Variants in DHTKD1 observed in about 807,000 individuals in gnomAD.
DHTKD1 encodes 2-oxoadipate dehydrogenase complex component E1.
Under a neutral mutation model 101.8 loss-of-function variants are expected in DHTKD1, and 78 were observed. That is an observed-to-expected ratio of 0.77 (90% CI 0.64 to 0.93). The LOEUF (loss-of-function observed/expected upper bound fraction) is 0.93, where lower values mean the gene tolerates loss of function less well. Among genes scored for constraint, DHTKD1 ranks in the 40% least tolerant of loss-of-function variants. DHTKD1 has a pLI of 0.00. For synonymous variants in DHTKD1, 462 were observed against 450.3 expected, an observed-to-expected ratio of 1.03 and a Z score of -0.33; for missense variants, 1,223 against 1,161.7, an observed-to-expected ratio of 1.05 and a Z score of -0.77.
intron 13 of DHTKD1, among the ~76,000 whole-genome samples, chr10:12,113,340 G>C (rs1833366039): frequency 6.6e-6 from 1 of 152,122 alleles, no homozygotes; most frequent in Non-Finnish European, 1.5e-5. Flanking sequence ...TGAGATTACA[G>C]GCATGTGCCA....
chr10:12,092,894 T>C (rs1833013289), intron 6 of DHTKD1, among the ~76,000 whole-genome samples: 1 of 152,066 alleles, frequency 6.6e-6, no homozygotes, highest in Non-Finnish European at 1.5e-5. Flanking sequence ...TTGTTGTTGT[T>C]GTTTTGAGAG....
At chr10:12,100,955 A>T in intron 9 of DHTKD1, 87 bp from the exon 10 acceptor site, 1 of 1,361,766 alleles carries the variant, frequency 7.3e-7, no homozygotes. Context: ...TCTCAGGATT[A>T]AGCCAGTATA....
intron 5 of DHTKD1, among the ~76,000 whole-genome samples, chr10:12,091,143 G>A (rs972572455): frequency 6.6e-6 from 1 of 152,112 alleles, no homozygotes; most frequent in African/African-American, 2.4e-5. Context: ...GGTCGCTGTG[G>A]CTCATGCCTG....
intron 3 of DHTKD1, among the ~76,000 whole-genome samples, chr10:12,086,311 C>G (rs1832897214): frequency 1.3e-5 from 2 of 149,812 alleles, no homozygotes; most frequent in Admixed American, 1.3e-4. Context: ...ACCTCTGCCT[C>G]CCAGGTTCAA....
At chr10:12,076,087 T>C (rs1832723473) in intron 1 of DHTKD1, among the ~76,000 whole-genome samples, 1 of 152,176 alleles carries the variant, frequency 6.6e-6, no homozygotes, top group Non-Finnish European at 1.5e-5. Context: ...CAAAGTCAAC[T>C]GATGAGAGCA....
chr10:12,101,935 T>C (rs1470286500), intron 10 of DHTKD1, among the ~76,000 whole-genome samples: 1 of 152,202 alleles, frequency 6.6e-6, no homozygotes, highest in Non-Finnish European at 1.5e-5. Context: ...TGGCAGCCTC[T>C]GTGCCCTCTG....
intron 15 of DHTKD1, among the ~76,000 whole-genome samples, chr10:12,119,425 C>T (rs1833480931): frequency 1.3e-5 from 2 of 150,912 alleles, no homozygotes; most frequent in Non-Finnish European, 2.9e-5. Context: ...ACCATCCTGG[C>T]TAACACAGTG....
intron 10 of DHTKD1, among the ~76,000 whole-genome samples, chr10:12,105,821 C>T (rs1223387161): frequency 6.6e-6 from 1 of 152,148 alleles, no homozygotes; most frequent in Non-Finnish European, 1.5e-5. Flanking sequence ...TGAGGCCGGG[C>T]GTGGTGGCTC....
chr10:12,069,911 C>T (rs1339409673), intron 1 of DHTKD1, among the ~76,000 whole-genome samples: 1 of 151,910 alleles, frequency 6.6e-6, no homozygotes, highest in East Asian at 1.9e-4. Flanking sequence ...GATACATTTC[C>T]AGGACCATCT....
At position 12,121,076 on chromosome 10, in the gene DHTKD1, C is replaced by A. The variant is rs900532634; in HGVS notation, c.*188C>A. 2.2e-6 allele frequency: 1 copy of A among 454,638 alleles called. No homozygotes were observed. Among genetic ancestry groups the A allele is most frequent in the African/African-American group, 2.0e-5 (1 of 49,870 alleles). 28.2% of individuals were successfully genotyped at this position (454,638 alleles called of 1,614,324 possible). A position where few individuals can be genotyped will look rare whatever the true frequency, so the allele number is the denominator to read the frequency against. On this transcript the variant is annotated 3_prime_UTR_variant, in exon 17 of 17. Coordinates refer to ENST00000263035, the MANE Select transcript of DHTKD1 (RefSeq NM_018706.7). ...CTCTACTAAAAATACAAAAAATAGCCGGGTGTGGTGGTGGGCACCTGTGAT... is the reference window on the plus strand; with the variant it reads ...CTCTACTAAAAATACAAAAAATAGCAGGGTGTGGTGGTGGGCACCTGTGAT...
At chr10:12,092,321 G>A (rs1833003878) in intron 6 of DHTKD1, among the ~76,000 whole-genome samples, 1 of 151,988 alleles carries the variant, frequency 6.6e-6, no homozygotes, top group African/African-American at 2.4e-5. Flanking sequence ...ATAAGACAAG[G>A]ATGGAGCCAC....
intron 13 of DHTKD1, among the ~76,000 whole-genome samples, 198 bp from the exon 14 acceptor site, chr10:12,117,475 G>T (rs1217981885): frequency 6.6e-6 from 1 of 151,996 alleles, no homozygotes; most frequent in Non-Finnish European, 1.5e-5. Flanking sequence ...GCTATCTTAT[G>T]TAACCTCAGA....
Position 12,107,808 on chromosome 10 carries a change from G to T in DHTKD1, c.2048-101G>T. 1.4e-6 allele frequency: 1 copy of T among 732,370 alleles called. No homozygotes were observed. The highest frequency in any genetic ancestry group is 2.7e-5 in the East Asian group (1 of 37,514). 45.4% of individuals were successfully genotyped at this position (732,370 alleles called of 1,614,324 possible). A position where few individuals can be genotyped will look rare whatever the true frequency, so the allele number is the denominator to read the frequency against. On this transcript the variant is annotated intron_variant, in intron 11 of 16. Coordinates refer to ENST00000263035, the MANE Select transcript of DHTKD1 (RefSeq NM_018706.7). This position sits in a 1 kb window ranked among gnomAD's most constrained non-coding sequence, Gnocchi z 4.1. ...GCATGTAATGAAAGCAGTTTTGGGGGGCCAGGCAGAAAACTAACATTGATT... is the reference window on the plus strand; with the variant it reads ...GCATGTAATGAAAGCAGTTTTGGGGTGCCAGGCAGAAAACTAACATTGATT...
At chr10:12,100,029 C>T (rs1157046940) in intron 8 of DHTKD1, 149 bp from the exon 9 acceptor site, 3 of 485,342 alleles carry the variant, frequency 6.2e-6, no homozygotes, top group Middle Eastern at 3.4e-4. Context: ...CTCCTTACCT[C>T]AAGTGATCCA....
At position 12,118,775 on chromosome 10, in the gene DHTKD1, G is replaced by A. The variant is rs781524340; in HGVS notation, c.2429G>A (p.Gly810Asp). 37 of 1,592,042 alleles carry A rather than the reference G, an allele frequency of 2.3e-5. No individual in the cohort carries two copies. Among genetic ancestry groups the A allele is most frequent in the Non-Finnish European group, 3.0e-5 (35 of 1,170,600 alleles). Reference sequence around the variant, plus strand: ...GTTAAGACCCTCGTGTTCTGCTCCGGCAAACATTTCTACTCCCTGGTGAAA... The same window carrying A: ...GTTAAGACCCTCGTGTTCTGCTCCGACAAACATTTCTACTCCCTGGTGAAA... ...KKVKTLVFCS[G>D]KHFYSLVKQR... Residue 810 changes from glycine to aspartate, a missense_variant, in exon 15 of 17, where the codon GGC (glycine) becomes GAC (aspartate). Gly to Asp is a moderately conservative substitution (Grantham distance 94). Coordinates refer to ENST00000263035, the MANE Select transcript of DHTKD1 (RefSeq NM_018706.7).
intron 12 of DHTKD1, 73 bp from the exon 13 acceptor site, chr10:12,112,827 G>T (rs1281864170): frequency 7.0e-7 from 1 of 1,435,128 alleles, no homozygotes. Context: ...TTTCCCTTTG[G>T]CCAGCCCATT....
At chr10:12,096,879 AG>A (rs1833078771) in intron 7 of DHTKD1, among the ~76,000 whole-genome samples, 1 of 152,130 alleles carries the variant, frequency 6.6e-6, no homozygotes, top group South Asian at 2.1e-4. Context: ...TTTTAGATAA[AG>A]GGGGGTGCTG....
At chr10:12,119,380 C>T (rs1018933226) in intron 15 of DHTKD1, among the ~76,000 whole-genome samples, 2 of 151,198 alleles carry the variant, frequency 1.3e-5, no homozygotes. Flanking sequence ...CTTTGGGAGG[C>T]CGAGGTGGGC....
At chr10:12,100,298 T>TG (rs748600920) in intron 9 of DHTKD1, 36 bp downstream of exon 9, 27 of 910,850 alleles carry the variant, frequency 3.0e-5, no homozygotes, top group South Asian at 3.5e-5. Context: ...TTTTTTTTTT[T>TG]TTTGAGTCTC....
Sources: allele counts gnomAD v4.1 joint callset (sites outside exome capture counted in the v4.1 genomes callset), GRCh38; gene constraint gnomAD v4.1.1; non-coding constraint Gnocchi (gnomAD v3.1); transcripts MANE v1.5; gene names NCBI Gene and HGNC (gene_info 2026-07-23, HGNC 2026-07-21).